TJP1: variants seen among roughly 807,000 people sequenced by gnomAD.
The protein encoded by TJP1 is tight junction protein 1.
TJP1 carries 43 observed loss-of-function variants against 194.2 expected under a neutral mutation model. The observed-to-expected ratio is 0.22, with a 90% confidence interval of 0.17 to 0.29. TJP1 has a LOEUF of 0.29. Among genes scored for constraint, TJP1 ranks in the 10% least tolerant of loss-of-function variants. The pLI, the probability that TJP1 is intolerant of heterozygous loss-of-function variation, is 1.00. For synonymous variants in TJP1, 801 were observed against 779.0 expected, an observed-to-expected ratio of 1.03 and a Z score of -0.47; for missense variants, 1,971 against 2,185.7, an observed-to-expected ratio of 0.90 and a Z score of 1.96.
chr15:29,844,901 C>G (rs953796207), intron 2 of TJP1, among the ~76,000 whole-genome samples: 8 of 151,866 alleles, frequency 5.3e-5, no homozygotes, highest in Non-Finnish European at 4.4e-5. Flanking sequence ...AGATCCAAGA[C>G]CAGGCTTTGG....
chr15:29,930,164 A>T (rs2054660622), intron 2 of TJP1, among the ~76,000 whole-genome samples: 1 of 152,222 alleles, frequency 6.6e-6, no homozygotes, highest in South Asian at 2.1e-4. Flanking sequence ...AGCAAATCAT[A>T]TCAAACATTC....
At chr15:29,844,542 C>T (rs1384425244) in intron 2 of TJP1, among the ~76,000 whole-genome samples, 1 of 152,088 alleles carries the variant, frequency 6.6e-6, no homozygotes, top group Non-Finnish European at 1.5e-5. Context: ...ATGGTGAAGG[C>T]AGAGCTGACA....
At chr15:29,722,799 G>T (rs1168195361) in intron 18 of TJP1, among the ~76,000 whole-genome samples, 1 of 152,212 alleles carries the variant, frequency 6.6e-6, no homozygotes, top group Non-Finnish European at 1.5e-5. Context: ...TGGCTACAGG[G>T]GCAGAGCTGT....
intron 2 of TJP1, among the ~76,000 whole-genome samples, chr15:29,949,724 GCCATCACCTCCACCA>G (rs2055560335): frequency 6.0e-5 from 1 of 16,626 alleles, no homozygotes; most frequent in Admixed American, 8.5e-4. Context: ...CACCTCCACC[GCCATCACCTCCACCA>G]CCACCACCTC....
chr15:29,734,694 C>T (rs1042763291), intron 11 of TJP1, among the ~76,000 whole-genome samples: 2 of 152,014 alleles, frequency 1.3e-5, no homozygotes. Flanking sequence ...CCATGTTGGG[C>T]AGGTTGGTCT....
chr15:29,887,057 C>A (rs1454032690), intron 2 of TJP1, among the ~76,000 whole-genome samples: 1 of 151,694 alleles, frequency 6.6e-6, no homozygotes, highest in Non-Finnish European at 1.5e-5. Context: ...GAGAAGATAA[C>A]CCAGAAGAAA....
rs2042751261 is a variant in TJP1 at position 29,718,862 on chromosome 15, A to C, written c.3280T>G (p.Tyr1094Asp). 2.5e-6 allele frequency: 4 copies of C among 1,614,200 alleles called. No individual in the cohort carries two copies. The highest frequency in any genetic ancestry group is 1.7e-5 in the Admixed American group (1 of 60,030). Residue 1094 changes from tyrosine to aspartate, a missense_variant, in exon 21 of 28, where the codon TAT becomes GAT. Transcript: ENST00000614355. ...GATGGGTAGGGCTGTTTGTCATCATAATATGACCACTGTTCTTCATACATG... is the reference window on the plus strand; with the variant it reads ...GATGGGTAGGGCTGTTTGTCATCATCATATGACCACTGTTCTTCATACATG... ...VPMYEEQWSY[Y>D]DDKQPYPSRP...
At chr15:29,731,156 G>A (rs900185975) in intron 15 of TJP1, among the ~76,000 whole-genome samples, 5 of 149,058 alleles carry the variant, frequency 3.4e-5, no homozygotes, top group African/African-American at 1.2e-4. Context: ...AGGGGCATAT[G>A]TCACTAATAG....
Position 29,727,112 on chromosome 15 carries a change from G to A in TJP1, c.2101-121C>T, listed in dbSNP as rs45589735. On this transcript the variant is annotated intron_variant, in intron 16 of 27. Coordinates refer to ENST00000614355, the MANE Select transcript of TJP1 (RefSeq NM_001330239.4). ...TAATCCTAGCACTTTGGGAGGTCGA[G>A]GTGGGTGAATCACTTGAGGCCAGGA... 7.8e-5 allele frequency: 63 copies of A among 811,542 alleles called. No individual in the cohort carries two copies. The African/African-American group carries it at 1.0e-3, about 13-fold the overall frequency. 50.3% of individuals were successfully genotyped at this position (811,542 alleles called of 1,614,324 possible).
intron 25 of TJP1, among the ~76,000 whole-genome samples, chr15:29,706,746 C>A (rs2041925694): frequency 6.6e-6 from 1 of 152,102 alleles, no homozygotes; most frequent in African/African-American, 2.4e-5. Context: ...CTGCAACCTC[C>A]ACCTCCCAGG....
At chr15:29,856,801 G>A (rs927778263) in intron 2 of TJP1, among the ~76,000 whole-genome samples, 6 of 150,916 alleles carry the variant, frequency 4.0e-5, no homozygotes, top group African/African-American at 7.3e-5. Flanking sequence ...GTGAAACCCC[G>A]TCTCTATGAC....
At chr15:29,792,239 A>AT (rs2048144809) in intron 2 of TJP1, among the ~76,000 whole-genome samples, 1 of 152,212 alleles carries the variant, frequency 6.6e-6, no homozygotes, top group Admixed American at 6.5e-5. Flanking sequence ...TAGTAGTCTC[A>AT]TAACTTCAGG....
At chr15:29,833,881 A>ATATATATATTTT (rs1555434000) in intron 2 of TJP1, among the ~76,000 whole-genome samples, 1 of 12,604 alleles carries the variant, frequency 7.9e-5, no homozygotes, top group Non-Finnish European at 1.4e-4. Flanking sequence ...ATATATATAT[A>ATATATATATTTT]TTTTTTTTTT....
chr15:29,835,895 G>A (rs1433727015), intron 2 of TJP1, among the ~76,000 whole-genome samples: 2 of 151,256 alleles, frequency 1.3e-5, no homozygotes, highest in African/African-American at 4.9e-5. Flanking sequence ...GGGAAAGAGA[G>A]AGAGAGAGAG....
intron 8 of TJP1, among the ~76,000 whole-genome samples, chr15:29,749,481 G>C (rs1053143167): frequency 3.9e-5 from 6 of 152,180 alleles, no homozygotes; most frequent in Non-Finnish European, 5.9e-5. Context: ...AGGGCATGCA[G>C]CATGGTCAGT....
Position 29,726,475 on chromosome 15 carries a change from T to C in TJP1, c.2316A>G (p.Thr772=). 6.2e-7 allele frequency: 1 copy of C among 1,613,902 alleles called. No homozygotes were observed. Among genetic ancestry groups the C allele is most frequent in the East Asian group, 2.2e-5 (1 of 44,868 alleles). ...CATCATTCATTGAATTTAAGTTAAT[T>C]GTAGCTGAAAATAAATTAACGATGT... ...RKNNHHLFTT[T]INLNSMNDGW... The change falls in exon 18 of 28, where the codon ACA becomes ACG. Residue 772 remains threonine (T), a synonymous_variant. Coordinates refer to ENST00000614355, the MANE Select transcript of TJP1 (RefSeq NM_001330239.4).
At chr15:29,905,668 T>C (rs1479483734) in intron 2 of TJP1, among the ~76,000 whole-genome samples, 1 of 152,246 alleles carries the variant, frequency 6.6e-6, no homozygotes, top group Non-Finnish European at 1.5e-5. Context: ...TACCGCAGTT[T>C]AGAATATTAT....
At chr15:29,957,151 A>G (rs1459826508) in intron 1 of TJP1, among the ~76,000 whole-genome samples, 1 of 152,218 alleles carries the variant, frequency 6.6e-6, no homozygotes, top group African/African-American at 2.4e-5. Flanking sequence ...TTAATTCAGC[A>G]TAATTATGGA....
chr15:29,761,378 T>C, intron 7 of TJP1, 92 bp from the exon 8 acceptor site: 4 of 1,445,948 alleles, frequency 2.8e-6, no homozygotes, highest in Admixed American at 2.3e-5. Flanking sequence ...AGCTAGTAAG[T>C]AAAATTATAT....
Sources: gnomAD v4.1 joint callset for allele counts (sites outside exome capture counted in the v4.1 genomes callset) on GRCh38, gnomAD v4.1.1 for gene constraint, MANE v1.5 for transcripts, NCBI Gene and HGNC (gene_info 2026-07-23, HGNC 2026-07-21) for gene names.